The following PTGER4 variants were observed in gnomAD, a reference collection of about 807,000 sequenced individuals.
PTGER4 encodes prostaglandin E2 receptor EP4 subtype.
Under a neutral mutation model 33.2 loss-of-function variants are expected in PTGER4, and 11 were observed. The observed-to-expected ratio is 0.33, with a 90% CI of 0.21 to 0.55. The LOEUF is 0.55. Among genes scored for constraint, PTGER4 ranks in the 20% least tolerant of loss-of-function variants. The pLI, the probability that PTGER4 is intolerant of heterozygous loss-of-function variation, is 0.92. For synonymous variants in PTGER4, 275 were observed against 281.5 expected (o/e 0.98, Z 0.23); for missense variants, 481 against 650.2 (o/e 0.74, Z 2.83).
chr5:40,719,776 T>A, the PTGER4 span, among the ~76,000 whole-genome samples: 1 of 152,250 alleles, frequency 6.6e-6, no homozygotes, highest in South Asian at 2.1e-4. Context: ...TGATTTTCAT[T>A]TCCTTGACAA....
At position 40,683,474 on chromosome 5, in the gene PTGER4, C is replaced by G. The variant is rs1476548380; in HGVS notation, c.867+1614C>G. Among the ~76,000 whole-genome samples, 1 of 152,216 alleles carries G rather than the reference C, an allele frequency of 6.6e-6. No homozygotes were observed. Among genetic ancestry groups the G allele is most frequent in the Non-Finnish European group, 1.5e-5 (1 of 68,042 alleles). On this transcript the variant is annotated intron_variant, in intron 2 of 2. Coordinates refer to ENST00000302472, the MANE Select transcript of PTGER4 (RefSeq NM_000958.3). This position sits in a 1 kb window ranked among gnomAD's most constrained non-coding sequence, Gnocchi z 4.2. The stretch of plus-strand genomic sequence containing the variant: ...AAGTGAGATTTTGGAAGAAACAACA[C>G]TGCTCCTGATGGGGCCCCTGTTCCT...
chr5:40,710,005 C>G, the PTGER4 span, among the ~76,000 whole-genome samples: 3 of 152,306 alleles, frequency 2.0e-5, no homozygotes, highest in Admixed American at 2.0e-4. Flanking sequence ...CCATTCAGGA[C>G]ATAGGCATAG....
chr5:40,681,095 C>A lies in PTGER4; in HGVS notation c.102C>A (p.Gly34=), dbSNP rs778900177. 7 of 1,613,968 alleles carry A rather than the reference C, an allele frequency of 4.3e-6. No individual in the cohort carries two copies. The highest frequency in any genetic ancestry group is 5.9e-6 in the Non-Finnish European group (7 of 1,180,028). Reference sequence around the variant, plus strand: ...TGATGTTCATCTTCGGGGTGGTGGGCAACCTGGTGGCCATCGTGGTGCTGT... The same window carrying A: ...TGATGTTCATCTTCGGGGTGGTGGGAAACCTGGTGGCCATCGTGGTGCTGT... ...PAVMFIFGVV[G]NLVAIVVLCK... is the part of the protein sequence containing the mutation. Residue 34 remains glycine (G), a synonymous_variant, in exon 2 of 3, where the codon GGC becomes GGA. Coordinates refer to ENST00000302472, the MANE Select transcript of PTGER4 (RefSeq NM_000958.3). The surrounding 1 kb of genome is among the most constrained non-coding windows in gnomAD (Gnocchi z 9.8).
the PTGER4 span, among the ~76,000 whole-genome samples, chr5:40,741,886 G>C: frequency 6.6e-6 from 1 of 152,092 alleles, no homozygotes; most frequent in African/African-American, 2.4e-5. Context: ...CTACTCAGGA[G>C]GCTGAGGCAG....
downstream of PTGER4, among the ~76,000 whole-genome samples, chr5:40,694,925 C>G (rs2111821586): frequency 6.6e-6 from 1 of 152,308 alleles, no homozygotes; most frequent in South Asian, 2.1e-4. Context: ...ACACTTGTTC[C>G]AGACCATTTA....
chr5:40,734,904 T>A, the PTGER4 span, among the ~76,000 whole-genome samples: 78 of 152,074 alleles, frequency 5.1e-4, no homozygotes, highest in Non-Finnish European at 6.6e-4. Context: ...AATGGAGGAA[T>A]GTGATAGGGA....
At chr5:40,712,854 T>C in the PTGER4 span, among the ~76,000 whole-genome samples, 4 of 152,256 alleles carry the variant, frequency 2.6e-5, no homozygotes, top group East Asian at 7.7e-4. Context: ...AGTTCATATA[T>C]AGTGCACATT....
the PTGER4 span, among the ~76,000 whole-genome samples, chr5:40,702,618 T>C: frequency 9.2e-5 from 14 of 152,270 alleles, no homozygotes; most frequent in South Asian, 2.9e-3. Flanking sequence ...GGCAGAAAAT[T>C]AACAAAGATA....
At chr5:40,734,252 G>T in the PTGER4 span, among the ~76,000 whole-genome samples, 2 of 152,158 alleles carry the variant, frequency 1.3e-5, no homozygotes, top group Non-Finnish European at 2.9e-5. Flanking sequence ...AGGAAACTTG[G>T]CACTGAACAA....
the PTGER4 span, among the ~76,000 whole-genome samples, chr5:40,742,263 T>C: frequency 1.2e-3 from 188 of 152,184 alleles, no homozygotes; most frequent in Middle Eastern, 3.4e-3. Context: ...CATGAGGCAA[T>C]TGCAAGTGAA....
chr5:40,711,200 A>G, the PTGER4 span, among the ~76,000 whole-genome samples: 1 of 152,102 alleles, frequency 6.6e-6, no homozygotes, highest in Non-Finnish European at 1.5e-5. Context: ...TTACAACTCA[A>G]TAAGAAGATG....
At chr5:40,725,288 C>T in the PTGER4 span, among the ~76,000 whole-genome samples, 1 of 152,006 alleles carries the variant, frequency 6.6e-6, no homozygotes, top group Non-Finnish European at 1.5e-5. Flanking sequence ...TGCCCAGCCC[C>T]TCAAGTGAAA....
the PTGER4 span, among the ~76,000 whole-genome samples, chr5:40,719,012 C>A: frequency 6.6e-6 from 1 of 152,050 alleles, no homozygotes; most frequent in Non-Finnish European, 1.5e-5. Context: ...AAAATAAATA[C>A]CTCTTCATGG....
the PTGER4 span, among the ~76,000 whole-genome samples, chr5:40,710,486 T>A: frequency 1.3e-5 from 2 of 152,090 alleles, no homozygotes; most frequent in Non-Finnish European, 1.5e-5. Context: ...GTGGGACTGT[T>A]AACTAGTTCA....
At chr5:40,696,304 C>A (rs1156593146), downstream of PTGER4, among the ~76,000 whole-genome samples, 1 of 152,178 alleles carries the variant, frequency 6.6e-6, no homozygotes, top group Non-Finnish European at 1.5e-5. Flanking sequence ...TCCTAAAGTA[C>A]TTGTACTAGT....
At chr5:40,746,076 GT>G in the PTGER4 span, among the ~76,000 whole-genome samples, 2 of 152,208 alleles carry the variant, frequency 1.3e-5, no homozygotes, top group Admixed American at 1.3e-4. Context: ...TACAGACACA[GT>G]TTTATTTTCC....
chr5:40,699,903 T>A, the PTGER4 span, among the ~76,000 whole-genome samples: 9 of 150,958 alleles, frequency 6.0e-5, no homozygotes, highest in Admixed American at 6.0e-4. Flanking sequence ...AAAAGCTGTA[T>A]ATAAAGAATG....
chr5:40,711,595 C>A, the PTGER4 span, among the ~76,000 whole-genome samples: 1 of 152,014 alleles, frequency 6.6e-6, no homozygotes, highest in African/African-American at 2.4e-5. Context: ...ATATATATAG[C>A]AGCTTTATTC....
In PTGER4 at chr5:40,680,661, G is replaced by C. The variant is rs1177451343; in HGVS notation, c.-44+183G>C. On this transcript the variant is annotated intron_variant, in intron 1 of 2. Coordinates refer to ENST00000302472, the MANE Select transcript of PTGER4 (RefSeq NM_000958.3). This position sits in a 1 kb window ranked among gnomAD's most constrained non-coding sequence, Gnocchi z 5.5. ...AGCACTAGCGAGCTACTTTTCCCTT[G>C]AGATGGGTCTTATTCATCTTGGCAA... Among the ~76,000 whole-genome samples, 2 of 152,240 alleles carry C rather than the reference G, an allele frequency of 1.3e-5. No individual in the cohort carries two copies. The highest frequency in any genetic ancestry group is 1.3e-4 in the Admixed American group (2 of 15,286).
Sources: allele counts gnomAD v4.1 joint callset (sites outside exome capture counted in the v4.1 genomes callset), GRCh38; gene constraint gnomAD v4.1.1; non-coding constraint Gnocchi (gnomAD v3.1); transcripts MANE v1.5; gene names NCBI Gene and HGNC (gene_info 2026-07-23, HGNC 2026-07-21).